The following OSGIN2 variants were observed in gnomAD, a reference collection of about 807,000 sequenced individuals.
OSGIN2 encodes the protein oxidative stress-induced growth inhibitor 2.
Under a neutral mutation model 53.8 loss-of-function variants are expected in OSGIN2, and 19 were observed. That is an observed-to-expected ratio of 0.35 (90% CI 0.25 to 0.52). The LOEUF (loss-of-function observed/expected upper bound fraction) is 0.52, where lower values mean the gene tolerates loss of function less well. Ranked by LOEUF, OSGIN2 falls within the 20% of genes least tolerant of loss-of-function variation. The pLI is 0.95. For missense variants in OSGIN2, 520 were observed against 662.7 expected, an observed-to-expected ratio of 0.78 and a Z score of 2.36; for synonymous variants, 236 against 236.0, an observed-to-expected ratio of 1.00 and a Z score of 0.00.
At chr8:89,918,711 A>G (rs1809134288) in intron 4 of OSGIN2, among the ~76,000 whole-genome samples, 1 of 152,146 alleles carries the variant, frequency 6.6e-6, no homozygotes. Context: ...AAAACTAACT[A>G]TCTTTATCAT....
intron 4 of OSGIN2, among the ~76,000 whole-genome samples, chr8:89,920,298 A>G (rs1023722500): frequency 1.4e-5 from 2 of 145,278 alleles, no homozygotes; most frequent in South Asian, 4.2e-4. Flanking sequence ...AGTCAGTTAT[A>G]ATAATAATAA....
Position 89,927,193 on chromosome 8 carries a change from G to GTGT in OSGIN2, c.*1663_*1665dup, listed in dbSNP as rs1491272075. 1 of 151,916 alleles carries GTGT rather than the reference G, an allele frequency of 6.6e-6. No homozygotes were observed. The highest frequency in any genetic ancestry group is 2.4e-5 in the African/African-American group (1 of 41,360). The allele number at this position is 151,916 out of a possible 1,614,324, so 9.4% of individuals were successfully genotyped here. ...TGTCACTTCTAAATAGAAAATGACA[G>GTGT]TGTTATAAAAAAGGGAAGGATAAAA... is the stretch of plus-strand genomic sequence containing the variant. On this transcript the variant is annotated 3_prime_UTR_variant, in exon 6 of 6. Coordinates refer to ENST00000451899, the MANE Select transcript of OSGIN2 (RefSeq NM_001126111.3).
intron 1 of OSGIN2, 73 bp downstream of exon 1, chr8:89,902,910 G>GGCCGGGACCGGGGTGGAGGGCGAGC (rs1808754823): frequency 8.9e-7 from 1 of 1,125,644 alleles, no homozygotes; most frequent in South Asian, 2.3e-5. Context: ...GCCTGGCCCG[G>GGCCGGGACCGGGGTGGAGGGCGAGC]GCCGGGACCG....
At chr8:89,912,620 C>T (rs1808990057) in intron 2 of OSGIN2, among the ~76,000 whole-genome samples, 1 of 151,916 alleles carries the variant, frequency 6.6e-6, no homozygotes, top group Admixed American at 6.6e-5. Flanking sequence ...GTGTCGTGTA[C>T]CTCTAGTCCT....
intron 2 of OSGIN2, among the ~76,000 whole-genome samples, chr8:89,911,928 A>T (rs556663010): frequency 1.5e-5 from 2 of 134,296 alleles, no homozygotes; most frequent in Non-Finnish European, 3.0e-5. Context: ...ACAGAGCGAG[A>T]CTCCGTCTCA....
chr8:89,912,219 A>C (rs968197749), intron 2 of OSGIN2, among the ~76,000 whole-genome samples: 1 of 152,258 alleles, frequency 6.6e-6, no homozygotes, highest in Non-Finnish European at 1.5e-5. Context: ...AGGAATTATT[A>C]ATTCATAAAT....
chr8:89,908,087 A>G (rs529166289), intron 1 of OSGIN2, among the ~76,000 whole-genome samples: 1 of 152,310 alleles, frequency 6.6e-6, no homozygotes, highest in African/African-American at 2.4e-5. Flanking sequence ...CCAGGGACAG[A>G]GCAGAATATA....
At chr8:89,921,054 ACAT>A in intron 4 of OSGIN2, 23 bp from the exon 5 acceptor site, 2 of 1,318,938 alleles carry the variant, frequency 1.5e-6, no homozygotes. Context: ...TTTTGACGGT[ACAT>A]TTTTTTTTTT....
At chr8:89,921,773 G>A (rs1809209676) in intron 5 of OSGIN2, among the ~76,000 whole-genome samples, 1 of 152,184 alleles carries the variant, frequency 6.6e-6, no homozygotes, top group Admixed American at 6.5e-5. Context: ...CCTGAGGTCA[G>A]GCGTTTGAGG....
intron 4 of OSGIN2, among the ~76,000 whole-genome samples, chr8:89,917,565 T>C (rs1364649322): frequency 6.6e-6 from 1 of 152,218 alleles, no homozygotes; most frequent in Non-Finnish European, 1.5e-5. Flanking sequence ...TATACAACTG[T>C]GAAAATATTC....
At chr8:89,922,877 C>T (rs547329286) in intron 5 of OSGIN2, among the ~76,000 whole-genome samples, 34 of 152,152 alleles carry the variant, frequency 2.2e-4, no homozygotes, top group Admixed American at 2.2e-3. Context: ...GGCTACAACC[C>T]AGTACAGCAT....
At chr8:89,916,664 A>G (rs1195081717) in intron 4 of OSGIN2, among the ~76,000 whole-genome samples, 1 of 152,166 alleles carries the variant, frequency 6.6e-6, no homozygotes, top group Non-Finnish European at 1.5e-5. Context: ...CTTGTGATCT[A>G]GTTTCTCATC....
intron 1 of OSGIN2, among the ~76,000 whole-genome samples, chr8:89,908,846 C>G (rs529120830): frequency 1.3e-5 from 2 of 149,928 alleles, no homozygotes; most frequent in East Asian, 3.9e-4. Flanking sequence ...CTATCTCTAC[C>G]AAAAAATATT....
rs1809024130 is a variant in OSGIN2, at chr8:89,914,000, TC to T, written c.200-76del. 3.9e-6 allele frequency: 5 copies of T among 1,271,808 alleles called. No homozygotes were observed. The East Asian group carries it at 1.2e-4, about 30-fold the overall frequency. The allele number at this position is 1,271,808 out of a possible 1,614,324, so 78.8% of individuals were successfully genotyped here. A position where few individuals can be genotyped will look rare whatever the true frequency, so the allele number is the denominator to read the frequency against. ...AACTGGTCAGAGAAAAGAGCCATCT[TC>T]AAAGTAGGACAAAAGCCAAGGAACA... On this transcript the variant is annotated intron_variant, in intron 2 of 5. Coordinates refer to ENST00000451899, the MANE Select transcript of OSGIN2 (RefSeq NM_001126111.3).
rs1021334068 is a variant in OSGIN2, at chr8:89,921,992, C to T, written c.620+821C>T. 8.6e-5 allele frequency among the ~76,000 whole-genome samples: 13 copies of T among 151,212 alleles called. No individual in the cohort carries two copies. The East Asian group carries it at 1.2e-3, about 14-fold the overall frequency. The stretch of plus-strand genomic sequence containing the variant: ...AGACTCTGTCTCAAAAAAAAAAGGA[C>T]GGAAGAAATCTCACCTTGGAAAACT... On this transcript the variant is annotated intron_variant, in intron 5 of 5. Coordinates refer to ENST00000451899, the MANE Select transcript of OSGIN2 (RefSeq NM_001126111.3).
At chr8:89,904,825 C>T (rs1473258682) in intron 1 of OSGIN2, among the ~76,000 whole-genome samples, 1 of 152,062 alleles carries the variant, frequency 6.6e-6, no homozygotes, top group African/African-American at 2.4e-5. Flanking sequence ...AAACAAAAAA[C>T]ACACAAAAAA....
intron 1 of OSGIN2, among the ~76,000 whole-genome samples, chr8:89,903,174 C>T (rs930394951): frequency 2.0e-5 from 3 of 151,924 alleles, no homozygotes; most frequent in Non-Finnish European, 4.4e-5. Context: ...TGCCTGCCTC[C>T]CTAAAAAAAA....
chr8:89,906,336 G>A (rs983010894), intron 1 of OSGIN2, among the ~76,000 whole-genome samples: 4 of 152,160 alleles, frequency 2.6e-5, no homozygotes, highest in Admixed American at 2.0e-4. Flanking sequence ...GAAAGTCTAC[G>A]AATTTGTGTT....
Position 89,916,731 on chromosome 8 carries a change from C to G in OSGIN2, c.528+1985C>G, listed in dbSNP as rs188659666. Among the ~76,000 whole-genome samples the G allele has an allele frequency of 6.2e-3, 945 of 152,252 alleles. 11 individuals carry two copies. The highest frequency in any genetic ancestry group is 0.022 in the African/African-American group (895 of 41,548). ...CTTGAACCAATTTTGTGATAAACAA[C>G]TTGTTTGCTTTCCCACATCTTTAAC... is the stretch of plus-strand genomic sequence containing the variant. On this transcript the variant is annotated intron_variant, in intron 4 of 5. Transcript: ENST00000451899.
Sources: allele counts gnomAD v4.1 joint callset (sites outside exome capture counted in the v4.1 genomes callset), GRCh38; gene constraint gnomAD v4.1.1; transcripts MANE v1.5; gene names NCBI Gene and HGNC (gene_info 2026-07-23, HGNC 2026-07-21).